Variants in ZNF423 observed in about 807,000 individuals in gnomAD.
The protein encoded by ZNF423 is zinc finger protein 423, also known as Ebf-associated zinc finger protein.
A neutral mutation model predicts 95.8 loss-of-function variants in ZNF423; 12 were observed. The ratio of observed to expected loss-of-function variants is 0.13; its 90% CI spans 0.08 to 0.20. The LOEUF (loss-of-function observed/expected upper bound fraction) is 0.20. Ranked by LOEUF, ZNF423 falls within the 10% of genes least tolerant of loss-of-function variation. The pLI is 1.00. For synonymous variants in ZNF423, 749 were observed against 711.9 expected, an observed-to-expected ratio of 1.05 and a Z score of -0.83; for missense variants, 1,316 against 1,737.1, an observed-to-expected ratio of 0.76 and a Z score of 4.31.
intron 6 of ZNF423, 140 bp from the exon 7 acceptor site, chr16:49,523,879 C>T (rs111543617): frequency 1.2e-5 from 8 of 674,288 alleles, no homozygotes; most frequent in Non-Finnish European, 2.1e-5. Flanking sequence ...TGGGAGTGTT[C>T]TTAGCACATA....
intron 7 of ZNF423, among the ~76,000 whole-genome samples, chr16:49,514,774 C>T (rs1450339275): frequency 1.3e-5 from 2 of 152,238 alleles, no homozygotes; most frequent in East Asian, 1.9e-4. Context: ...GCCCGGCTCA[C>T]GGAATCACTT....
intron 1 of ZNF423, among the ~76,000 whole-genome samples, chr16:49,842,892 T>C (rs1034488823): frequency 6.8e-6 from 1 of 148,130 alleles, no homozygotes; most frequent in Admixed American, 6.8e-5. Flanking sequence ...GGCAGGAGAA[T>C]CACTTGAACC....
At chr16:49,781,429 A>G (rs1329866565) in intron 2 of ZNF423, among the ~76,000 whole-genome samples, 1 of 152,180 alleles carries the variant, frequency 6.6e-6, no homozygotes, top group African/African-American at 2.4e-5. Context: ...GACTACAGGG[A>G]AACCCACTGC....
intron 5 of ZNF423, among the ~76,000 whole-genome samples, chr16:49,575,770 C>T (rs1407032725): frequency 2.0e-5 from 3 of 152,194 alleles, no homozygotes; most frequent in Non-Finnish European, 2.9e-5. Context: ...TTTAAAAACA[C>T]GGATTCTTGT....
At chr16:49,772,712 G>T (rs2034056440) in intron 2 of ZNF423, among the ~76,000 whole-genome samples, 1 of 152,190 alleles carries the variant, frequency 6.6e-6, no homozygotes, top group Admixed American at 6.5e-5. Context: ...AAGCATGTGG[G>T]ATGAAAATAC....
At chr16:49,725,407 A>G (rs184709534) in intron 3 of ZNF423, among the ~76,000 whole-genome samples, 2 of 152,282 alleles carry the variant, frequency 1.3e-5, no homozygotes, top group East Asian at 3.9e-4. Context: ...AATTAAAAAA[A>G]ATGAAGACAG....
intron 3 of ZNF423, among the ~76,000 whole-genome samples, chr16:49,695,773 C>T (rs1462099914): frequency 3.3e-5 from 5 of 152,198 alleles, no homozygotes; most frequent in Non-Finnish European, 7.3e-5. Flanking sequence ...AAAGAGTACT[C>T]GCTCTGGAGC....
At chr16:49,813,565 G>A (rs887924041) in intron 1 of ZNF423, among the ~76,000 whole-genome samples, 9 of 152,152 alleles carry the variant, frequency 5.9e-5, no homozygotes, top group Non-Finnish European at 1.2e-4. Context: ...CAGGAGACAC[G>A]GGAGGTGACA....
At position 49,730,614 on chromosome 16, in the gene ZNF423, A is replaced by C. The variant is rs185373442; in HGVS notation, c.301+157T>G. ...TTGCTTTTATTTTTAATTGTATTTAAAAGGCGGATACAGGGTACCCAAGAC... is the reference window on the plus strand; with the variant it reads ...TTGCTTTTATTTTTAATTGTATTTACAAGGCGGATACAGGGTACCCAAGAC... On this transcript the variant is annotated intron_variant, in intron 3 of 7. Transcript: ENST00000563137. 928 of 757,826 alleles carry C rather than the reference A, an allele frequency of 1.2e-3. 3 individuals carry two copies. Among genetic ancestry groups the C allele is most frequent in the Non-Finnish European group, 1.8e-3 (840 of 470,714 alleles). The allele number at this position is 757,826 out of a possible 1,614,324, so 46.9% of individuals were successfully genotyped here.
At chr16:49,616,513 C>T (rs1445244244) in intron 5 of ZNF423, among the ~76,000 whole-genome samples, 1 of 151,992 alleles carries the variant, frequency 6.6e-6, no homozygotes, top group Non-Finnish European at 1.5e-5. Flanking sequence ...AGAATAAATG[C>T]TTCAGGTGAT....
At chr16:49,576,947 T>A (rs886396892) in intron 5 of ZNF423, among the ~76,000 whole-genome samples, 1 of 152,194 alleles carries the variant, frequency 6.6e-6, no homozygotes, top group African/African-American at 2.4e-5. Context: ...AAATCCAGAA[T>A]TTGGGGGCCA....
At chr16:49,542,343 T>C (rs1969282169) in intron 5 of ZNF423, among the ~76,000 whole-genome samples, 1 of 152,222 alleles carries the variant, frequency 6.6e-6, no homozygotes. Flanking sequence ...AGTGTCCCGG[T>C]GGCCTCATCA....
At chr16:49,668,989 C>A (rs2030673623) in intron 3 of ZNF423, among the ~76,000 whole-genome samples, 1 of 152,276 alleles carries the variant, frequency 6.6e-6, no homozygotes, top group South Asian at 2.1e-4. Flanking sequence ...CCAGTGGTAA[C>A]CCTTAGTAAG....
At chr16:49,512,275 A>G (rs1456209850) in intron 7 of ZNF423, among the ~76,000 whole-genome samples, 1 of 152,216 alleles carries the variant, frequency 6.6e-6, no homozygotes, top group Non-Finnish European at 1.5e-5. Flanking sequence ...CAATGAACGC[A>G]TTAACAGAAA....
At chr16:49,744,004 C>T (rs542707936) in intron 2 of ZNF423, among the ~76,000 whole-genome samples, 1 of 152,098 alleles carries the variant, frequency 6.6e-6, no homozygotes, top group Non-Finnish European at 1.5e-5. Context: ...CCCATCTAGG[C>T]ACCCACTCAC....
chr16:49,674,860 T>C (rs2030979103), intron 3 of ZNF423, among the ~76,000 whole-genome samples: 1 of 152,148 alleles, frequency 6.6e-6, no homozygotes, highest in South Asian at 2.1e-4. Context: ...AGAAAGGGAC[T>C]GAGTCCCAGC....
chr16:49,827,966 A>G (rs1159023160), intron 1 of ZNF423, among the ~76,000 whole-genome samples: 2 of 152,182 alleles, frequency 1.3e-5, no homozygotes, highest in East Asian at 1.9e-4. Context: ...CTTTTTACAC[A>G]CTTTCTTAGT....
chr16:49,778,313 A>C (rs2034153959), intron 2 of ZNF423, among the ~76,000 whole-genome samples: 1 of 152,210 alleles, frequency 6.6e-6, no homozygotes, highest in Non-Finnish European at 1.5e-5. Context: ...GCAGGGCACC[A>C]TTGACCATAT....
chr16:49,800,659 G>T (rs1412047835), intron 1 of ZNF423, among the ~76,000 whole-genome samples: 1 of 152,182 alleles, frequency 6.6e-6, no homozygotes, highest in Non-Finnish European at 1.5e-5. Flanking sequence ...CCTTCACTGA[G>T]CCCAAGTGGC....
Sources: gnomAD v4.1 joint callset for allele counts (sites outside exome capture counted in the v4.1 genomes callset) on GRCh38, gnomAD v4.1.1 for gene constraint, MANE v1.5 for transcripts, NCBI Gene and HGNC (gene_info 2026-07-23, HGNC 2026-07-21) for gene names.